Variants in PPARG observed in about 807,000 individuals in gnomAD.
The protein encoded by PPARG is peroxisome proliferator activated receptor gamma, also known as peroxisome proliferator-activated receptor gamma.
PPARG carries 17 observed loss-of-function variants against 39.2 expected under a neutral mutation model. The observed-to-expected ratio is 0.43, with a 90% confidence interval of 0.30 to 0.65. PPARG has a LOEUF of 0.65. Among genes scored for constraint, PPARG ranks in the 30% least tolerant of loss-of-function variants. The pLI is 0.13. For missense variants in PPARG, 406 were observed against 585.9 expected (o/e 0.69, Z 3.17); for synonymous variants, 223 against 215.7 (o/e 1.03, Z -0.30).
intron 3 of PPARG, among the ~76,000 whole-genome samples, chr3:12,380,393 T>C (rs932314426): frequency 2.6e-5 from 4 of 152,226 alleles, no homozygotes; most frequent in Non-Finnish European, 5.9e-5. Flanking sequence ...TACTGAAACC[T>C]ACTTTTAAGC....
intron 2 of PPARG, among the ~76,000 whole-genome samples, chr3:12,348,029 A>G (rs1462065259): frequency 6.6e-6 from 1 of 152,252 alleles, no homozygotes; most frequent in Non-Finnish European, 1.5e-5. Flanking sequence ...ATTTCACACA[A>G]AAGAAAAAGC....
chr3:12,389,021 G>T (rs1372507563), intron 4 of PPARG, among the ~76,000 whole-genome samples: 1 of 152,152 alleles, frequency 6.6e-6, no homozygotes, highest in African/African-American at 2.4e-5. Flanking sequence ...TCCAGGATCT[G>T]CTGGAATTTG....
intron 5 of PPARG, among the ~76,000 whole-genome samples, chr3:12,401,380 A>T (rs1204020995): frequency 6.6e-6 from 1 of 152,202 alleles, no homozygotes; most frequent in East Asian, 1.9e-4. Flanking sequence ...GCGTGCCATG[A>T]CTACCAGCCT....
At chr3:12,314,857 A>T (rs2047346580) in intron 2 of PPARG, among the ~76,000 whole-genome samples, 1 of 152,096 alleles carries the variant, frequency 6.6e-6, no homozygotes, top group Non-Finnish European at 1.5e-5. Flanking sequence ...AATTGTACAT[A>T]TTTATGTGGT....
At chr3:12,354,511 C>T (rs1324334959) in intron 2 of PPARG, among the ~76,000 whole-genome samples, 2 of 151,916 alleles carry the variant, frequency 1.3e-5, no homozygotes, top group East Asian at 1.9e-4. Flanking sequence ...TTTGGGAGGC[C>T]GAGGCGGGCA....
intron 7 of PPARG, among the ~76,000 whole-genome samples, chr3:12,429,552 CAAAAAAAAAA>C (rs753288907): frequency 0.043 from 4,287 of 99,660 alleles, 106 homozygotes; most frequent in Non-Finnish European, 0.054. Context: ...CTGTCTCTAC[CAAAAAAAAAA>C]AAAAAAAAAA....
chr3:12,369,801 T>A (rs2125140727), intron 2 of PPARG, among the ~76,000 whole-genome samples: 1 of 152,338 alleles, frequency 6.6e-6, no homozygotes, highest in Middle Eastern at 3.4e-3. Flanking sequence ...TGTCACTTAG[T>A]CATTGCTCAT....
chr3:12,356,116 G>C (rs115535070), intron 2 of PPARG, among the ~76,000 whole-genome samples: 1 of 152,192 alleles, frequency 6.6e-6, no homozygotes, highest in South Asian at 2.1e-4. Context: ...AGGTTGTCCA[G>C]TAAATGCTTC....
intron 7 of PPARG, among the ~76,000 whole-genome samples, chr3:12,424,383 C>G (rs372661110): frequency 6.6e-6 from 1 of 152,164 alleles, no homozygotes; most frequent in East Asian, 1.9e-4. Context: ...TCCCAGTGAG[C>G]GAGCAAGCAA....
At chr3:12,384,825 A>G (rs1243483829) in intron 4 of PPARG, among the ~76,000 whole-genome samples, 2 of 152,140 alleles carry the variant, frequency 1.3e-5, no homozygotes, top group Non-Finnish European at 2.9e-5. Flanking sequence ...ATGTTTGCTT[A>G]TGTGTTCTTG....
chr3:12,331,348 G>T (rs2047854475), intron 2 of PPARG, among the ~76,000 whole-genome samples: 1 of 152,186 alleles, frequency 6.6e-6, no homozygotes, highest in Non-Finnish European at 1.5e-5. Flanking sequence ...CCTTAAGGGG[G>T]TTGTGAGAAG....
chr3:12,346,618 A>T, intron 2 of PPARG, among the ~76,000 whole-genome samples: 1 of 151,512 alleles, frequency 6.6e-6, no homozygotes, highest in East Asian at 1.9e-4. Context: ...GATACCAAAG[A>T]TACATTTACT....
intron 2 of PPARG, chr3:12,328,207 A>T: frequency 1.3e-6 from 2 of 1,486,526 alleles, no homozygotes; most frequent in South Asian, 2.3e-5. Context: ...AAAAAGTCCT[A>T]CCTGGAGCGG....
chr3:12,322,076 A>G (rs140671450), intron 2 of PPARG, among the ~76,000 whole-genome samples: 1 of 152,258 alleles, frequency 6.6e-6, no homozygotes, highest in Non-Finnish European at 1.5e-5. Flanking sequence ...CATGAGAGAT[A>G]TGCATTTACA....
At chr3:12,369,109 C>T (rs2049120280) in intron 2 of PPARG, among the ~76,000 whole-genome samples, 1 of 152,148 alleles carries the variant, frequency 6.6e-6, no homozygotes, top group South Asian at 2.1e-4. Context: ...TACTCATTCC[C>T]ACAGCTAAAT....
intron 2 of PPARG, among the ~76,000 whole-genome samples, chr3:12,345,111 A>G (rs1199526697): frequency 2.0e-5 from 3 of 152,162 alleles, no homozygotes; most frequent in Admixed American, 2.0e-4. Flanking sequence ...TGTTACCTCA[A>G]AGTAGAAATT....
intron 2 of PPARG, among the ~76,000 whole-genome samples, chr3:12,339,473 A>G (rs1393418314): frequency 6.6e-6 from 1 of 152,224 alleles, no homozygotes; most frequent in Non-Finnish European, 1.5e-5. Context: ...TAAAATATGC[A>G]TCAATAACGC....
intron 2 of PPARG, among the ~76,000 whole-genome samples, chr3:12,338,612 C>A (rs895408717): frequency 3.9e-5 from 6 of 152,170 alleles, no homozygotes; most frequent in Admixed American, 6.5e-5. Context: ...ATTAAAGGTA[C>A]AAATATGGAA....
At chr3:12,368,275 G>A (rs1286311568) in intron 2 of PPARG, among the ~76,000 whole-genome samples, 1 of 146,768 alleles carries the variant, frequency 6.8e-6, no homozygotes, top group African/African-American at 2.5e-5. Flanking sequence ...TCCATCTCCC[G>A]AGTTCAAGTG....
Sources: gnomAD v4.1 joint callset for allele counts (sites outside exome capture counted in the v4.1 genomes callset) on GRCh38, gnomAD v4.1.1 for gene constraint, MANE v1.5 for transcripts, NCBI Gene and HGNC (gene_info 2026-07-23, HGNC 2026-07-21) for gene names.